Variants in PRRC2C observed in about 807,000 individuals in gnomAD.
The protein encoded by PRRC2C is protein PRRC2C.
PRRC2C carries 72 observed loss-of-function variants against 317.2 expected under a neutral mutation model. The observed-to-expected ratio is 0.23, with a 90% CI of 0.19 to 0.28. PRRC2C has a LOEUF of 0.28. Ranked by LOEUF, PRRC2C falls within the 10% of genes least tolerant of loss-of-function variation. The probability of loss-of-function intolerance (pLI) is 1.00; values close to 1 mark genes in which losing one functional copy is unlikely to be tolerated. For synonymous variants in PRRC2C, 1,296 were observed against 1,205.9 expected (o/e 1.07, Z -1.55); for missense variants, 3,074 against 3,459.7 (o/e 0.89, Z 2.80).
In PRRC2C at chr1:171,541,850, A is replaced by T. The variant is rs758137193; in HGVS notation, c.4384A>T (p.Thr1462Ser). The stretch of plus-strand genomic sequence containing the variant: ...GGTGGTAGCAGTGCCCACAAATGGC[A>T]CAGTTAATAATGTGGCTCAAGAACC... The part of the protein sequence containing the change: ...NEVVAVPTNG[T>S]VNNVAQEPVN... Residue 1462 changes from threonine to serine, a missense_variant, in exon 16 of 35, where the codon ACA becomes TCA. This residue lies in a region of PRRC2C where 1,320 missense variants were observed against 1,395.7 expected (regional missense o/e 0.95). Coordinates refer to ENST00000647382, the MANE Select transcript of PRRC2C (RefSeq NM_001387844.1). This position sits in a 1 kb window ranked among gnomAD's most constrained non-coding sequence, Gnocchi z 4.1. 4 of 1,613,800 alleles carry T rather than the reference A, an allele frequency of 2.5e-6. No homozygotes were observed. The highest frequency in any genetic ancestry group is 2.5e-6 in the Non-Finnish European group (3 of 1,179,900).
At chr1:171,568,624 A>G (rs1186366422) in intron 23 of PRRC2C, among the ~76,000 whole-genome samples, 2 of 152,192 alleles carry the variant, frequency 1.3e-5, no homozygotes, top group East Asian at 1.9e-4. Context: ...TGGTATTGGT[A>G]AGAAGTTGTT....
Position 171,572,040 on chromosome 1 carries a change from A to G in PRRC2C, c.6753+619A>G, listed in dbSNP as rs569657510. ...TCTATTATAATTTTGAGCTATGTTA[A>G]TGATTTTTTACAGTTGTGTTGTTTG... On this transcript the variant is annotated intron_variant, in intron 24 of 34. Coordinates refer to ENST00000647382, the MANE Select transcript of PRRC2C (RefSeq NM_001387844.1). Among the ~76,000 whole-genome samples the G allele has an allele frequency of 2.6e-5, 4 of 152,014 alleles. No homozygotes were observed. The East Asian group carries it at 5.8e-4, about 22-fold the overall frequency.
At chr1:171,590,896 T>C (rs898439136) in intron 34 of PRRC2C, among the ~76,000 whole-genome samples, 3 of 152,248 alleles carry the variant, frequency 2.0e-5, no homozygotes, top group African/African-American at 7.2e-5. Flanking sequence ...TCTTGAAAAT[T>C]GCTTCAGATC....
rs199845536 is a variant in PRRC2C at position 171,587,746 on chromosome 1, C to T, written c.8067C>T (p.Pro2689=). ...GAAGCACCACACCAACATCTAGTCC[C>T]TTCCGGTAAAATGGGCATTTAAATT... ...AGRSTTPTSS[P]FRATSTSPNS... The change falls in exon 32 of 35, where the codon CCC becomes CCT. Residue 2689 remains proline (P), a synonymous_variant. Coordinates refer to ENST00000647382, the MANE Select transcript of PRRC2C (RefSeq NM_001387844.1). The T allele has an allele frequency of 3.2e-5, 51 of 1,605,576 alleles. No homozygotes were observed. The East Asian group carries it at 9.8e-4, about 31-fold the overall frequency.
chr1:171,521,398 A>G (rs1416433543), intron 6 of PRRC2C, among the ~76,000 whole-genome samples: 1 of 152,098 alleles, frequency 6.6e-6, no homozygotes, highest in Non-Finnish European at 1.5e-5. Context: ...TCTTCTCTTA[A>G]GTTTAGTTTC....
At chr1:171,550,025 A>G (rs1679909301) in intron 17 of PRRC2C, 61 bp from the exon 18 acceptor site, 1 of 1,387,756 alleles carries the variant, frequency 7.2e-7, no homozygotes, top group Non-Finnish European at 9.6e-7. Context: ...TGTACTAAAC[A>G]TTTTTATTAA....
At chr1:171,560,373 A>G (rs536933815) in intron 19 of PRRC2C, among the ~76,000 whole-genome samples, 11 of 145,472 alleles carry the variant, frequency 7.6e-5, no homozygotes, top group Non-Finnish European at 1.5e-4. Context: ...AGAATATTAC[A>G]TAAACTTAGT....
chr1:171,533,525 TG>T (rs1184450281), intron 12 of PRRC2C, among the ~76,000 whole-genome samples: 2 of 152,246 alleles, frequency 1.3e-5, no homozygotes, highest in African/African-American at 4.8e-5. Flanking sequence ...TTCTCCGAGT[TG>T]GCTTGTAGAC....
chr1:171,586,890 T>C, intron 30 of PRRC2C, 113 bp from the exon 31 acceptor site: 1 of 856,432 alleles, frequency 1.2e-6, no homozygotes, highest in Non-Finnish European at 1.8e-6. Context: ...CTGGCCGATG[T>C]GTTCTGTTTG....
At chr1:171,503,190 C>T (rs578005512) in intron 1 of PRRC2C, among the ~76,000 whole-genome samples, 2 of 152,060 alleles carry the variant, frequency 1.3e-5, no homozygotes, top group Non-Finnish European at 2.9e-5. Flanking sequence ...TAGAAGGAGG[C>T]TTATTGATAA....
chr1:171,541,962 A>C lies in PRRC2C; in HGVS notation c.4496A>C (p.Glu1499Ala). The change falls in exon 16 of 35, where the codon GAA becomes GCA. Residue 1499 changes from glutamate (E) to alanine (A), a missense_variant. This residue lies in a region of PRRC2C where 4 missense variants were observed against 17.9 expected (regional missense o/e 0.22). Coordinates refer to ENST00000647382, the MANE Select transcript of PRRC2C (RefSeq NM_001387844.1). The surrounding 1 kb of genome is among the most constrained non-coding windows in gnomAD (Gnocchi z 4.1). ...NSSDQANEEW[E>A]TASESSDFNE... is the part of the protein sequence containing the mutation. ...TCAGATCAGGCAAATGAAGAATGGG[A>C]AACAGCTTCTGAAAGCAGTGATTTC... 1 of 1,613,980 alleles carries C rather than the reference A, an allele frequency of 6.2e-7. No individual in the cohort carries two copies. Among genetic ancestry groups the C allele is most frequent in the Non-Finnish European group, 8.5e-7 (1 of 1,179,876 alleles).
At chr1:171,513,443 C>A (rs1278086366) in intron 3 of PRRC2C, 2 of 537,880 alleles carry the variant, frequency 3.7e-6, no homozygotes. Flanking sequence ...CATACTACCA[C>A]CAACTCAGGT....
intron 19 of PRRC2C, 116 bp downstream of exon 19, chr1:171,558,259 G>A: frequency 3.1e-6 from 4 of 1,308,386 alleles, no homozygotes; most frequent in South Asian, 3.7e-5. Flanking sequence ...TTTTATTGTA[G>A]GAAAAAGTAA....
chr1:171,541,110 G>A lies in PRRC2C; in HGVS notation c.3644G>A (p.Gly1215Glu), dbSNP rs1317166104. ...GGAGGGCGTGGCAGGGGTGGTAGGG[G>A]ACACACTCGAGATTATCCTCAGTAT... is the stretch of plus-strand genomic sequence containing the variant. ...SYGGRGRGGR[G>E]HTRDYPQYRD... is the part of the protein sequence containing the mutation. The change falls in exon 16 of 35, where the codon GGA becomes GAA. Residue 1215 changes from glycine to glutamate, a missense_variant. Coordinates refer to ENST00000647382, the MANE Select transcript of PRRC2C (RefSeq NM_001387844.1). The surrounding 1 kb of genome is among the most constrained non-coding windows in gnomAD (Gnocchi z 4.1). The A allele has an allele frequency of 1.1e-5, 18 of 1,613,700 alleles. No homozygotes were observed. Among genetic ancestry groups the A allele is most frequent in the Non-Finnish European group, 1.4e-5 (17 of 1,179,866 alleles).
chr1:171,540,647 C>G lies in PRRC2C; in HGVS notation c.3181C>G (p.Pro1061Ala). Residue 1061 changes from proline to alanine, a missense_variant, in exon 16 of 35, where the codon CCT (proline) becomes GCT (alanine). This residue lies in a region of PRRC2C where 1,320 missense variants were observed against 1,395.7 expected (regional missense o/e 0.95). Coordinates refer to ENST00000647382, the MANE Select transcript of PRRC2C (RefSeq NM_001387844.1). ...KPEKTEKKDL[P>A]PPPPPPQPPA... ...TGAAAAGACGGAAAAGAAGGATCTT[C>G]CTCCTCCCCCACCACCACCTCAGCC... is the stretch of plus-strand genomic sequence containing the variant. The G allele has an allele frequency of 6.2e-7, 1 of 1,613,952 alleles. No homozygotes were observed. Among genetic ancestry groups the G allele is most frequent in the Non-Finnish European group, 8.5e-7 (1 of 1,179,890 alleles).
chr1:171,567,158 A>T (rs887761277), intron 22 of PRRC2C, among the ~76,000 whole-genome samples: 80 of 152,358 alleles, frequency 5.3e-4, no homozygotes, highest in African/African-American at 1.8e-3. Context: ...ATAGAATTAC[A>T]GTAGAGCTTT....
Position 171,517,790 on chromosome 1 carries a change from G to A in PRRC2C, c.726G>A (p.Gln242=), listed in dbSNP as rs770040134. 2 of 1,613,328 alleles carry A rather than the reference G, an allele frequency of 1.2e-6. No individual in the cohort carries two copies. Among genetic ancestry groups the A allele is most frequent in the South Asian group, 1.1e-5 (1 of 91,046 alleles). The part of the protein sequence containing the change: ...LNGQQAALAS[Q]YRAMMPPYMF... Reference sequence around the variant, plus strand: ...GACAGCAGGCTGCTCTCGCTTCCCAGTATAGAGCTATGATGCCTCCTTATG... The same window carrying A: ...GACAGCAGGCTGCTCTCGCTTCCCAATATAGAGCTATGATGCCTCCTTATG... The change falls in exon 6 of 35, where the codon CAG becomes CAA. Residue 242 remains glutamine, a synonymous_variant. Transcript: ENST00000647382.
At chr1:171,492,817 T>TCTTG (rs1667424552) in intron 1 of PRRC2C, among the ~76,000 whole-genome samples, 1 of 151,774 alleles carries the variant, frequency 6.6e-6, no homozygotes, top group Non-Finnish European at 1.5e-5. Flanking sequence ...AGTGGTGCGA[T>TCTTG]CTTGGCTCAC....
At chr1:171,578,383 C>T (rs1572112754) in intron 26 of PRRC2C, among the ~76,000 whole-genome samples, 3 of 151,978 alleles carry the variant, frequency 2.0e-5, no homozygotes, top group East Asian at 3.9e-4. Context: ...TGAGACCCAT[C>T]TCTACAAAAA....
Sources: gnomAD v4.1 joint callset for allele counts (sites outside exome capture counted in the v4.1 genomes callset) on GRCh38, gnomAD v4.1.1 for gene constraint, gnomAD v4.1.1 regional missense constraint, Gnocchi (gnomAD v3.1) non-coding constraint, MANE v1.5 for transcripts, NCBI Gene and HGNC (gene_info 2026-07-23, HGNC 2026-07-21) for gene names.